The following TMEM179 variants were observed in gnomAD, a reference collection of about 807,000 sequenced individuals.
TMEM179 encodes the protein transmembrane protein 179.
Under a neutral mutation model 22.2 loss-of-function variants are expected in TMEM179, and 17 were observed. The observed-to-expected ratio is 0.77, with a 90% confidence interval of 0.52 to 1.15. The LOEUF is 1.15. Ranked by LOEUF, TMEM179 falls within the 50% of genes most tolerant of loss-of-function variation. TMEM179 has a pLI of 0.00. For missense variants in TMEM179, 265 were observed against 313.6 expected (o/e 0.84, Z 1.17); for synonymous variants, 127 against 140.5 (o/e 0.90, Z 0.68).
intron 1 of TMEM179, among the ~76,000 whole-genome samples, chr14:104,603,271 G>A (rs534280205): frequency 4.6e-5 from 7 of 152,280 alleles, no homozygotes; most frequent in Middle Eastern, 3.4e-3. Flanking sequence ...GGCTCACAGC[G>A]GGGGCAACAG....
In TMEM179 at chr14:104,593,364, C is replaced by T. The variant is rs1255198761; in HGVS notation, c.*115G>A. On this transcript the variant is annotated 3_prime_UTR_variant, in exon 4 of 4. Transcript: ENST00000556573. ...ACACGTGGCGTCGAGGGGACACACG[C>T]AGGGCTGCATGTGGCCAGGGCCCAG... 2 of 1,316,818 alleles carry T rather than the reference C, an allele frequency of 1.5e-6. No homozygotes were observed. The highest frequency in any genetic ancestry group is 2.1e-6 in the Non-Finnish European group (2 of 957,114). 81.6% of individuals were successfully genotyped at this position (1,316,818 alleles called of 1,614,324 possible). A position where few individuals can be genotyped will look rare whatever the true frequency, so the allele number is the denominator to read the frequency against.
chr14:104,602,915 G>C (rs1156674676), intron 1 of TMEM179, among the ~76,000 whole-genome samples: 2 of 152,244 alleles, frequency 1.3e-5, no homozygotes, highest in Non-Finnish European at 2.9e-5. Context: ...TTTGGAAATA[G>C]CATCTTTGCA....
rs890255224 is a variant in TMEM179 at position 104,593,150 on chromosome 14, G to A, written c.*329C>T. 5.0e-6 allele frequency: 2 copies of A among 403,686 alleles called. No homozygotes were observed. Among genetic ancestry groups the A allele is most frequent in the Non-Finnish European group, 8.9e-6 (2 of 223,488 alleles). The allele number at this position is 403,686 out of a possible 1,614,324, so 25.0% of individuals were successfully genotyped here. ...CGGCCAGGGTTGGGGGAGACAAGCTGGACGCCCTCCACATAGGCTGGCCAG... is the reference window on the plus strand; with the variant it reads ...CGGCCAGGGTTGGGGGAGACAAGCTAGACGCCCTCCACATAGGCTGGCCAG... On this transcript the variant is annotated 3_prime_UTR_variant, in exon 4 of 4. Coordinates refer to ENST00000556573, the MANE Select transcript of TMEM179 (RefSeq NM_001286389.2).
At chr14:104,594,102 AC>A in intron 3 of TMEM179, 1 of 1,233,356 alleles carries the variant, frequency 8.1e-7, no homozygotes, top group Non-Finnish European at 1.0e-6. Flanking sequence ...TGAAGGAGAA[AC>A]AATTTAATCA....
In TMEM179 at chr14:104,604,696, A is replaced by T. The variant is rs778223030; in HGVS notation, c.46T>A (p.Leu16Met). ...ACCACGAAGCTGAACAGGAAGGCCA[A>T]GAAGTAGCAGGCGCACTGAGCGAAA... Reference protein sequence around the residue: ...FLFAQCACYFLAFLFSFVVVV... With the variant: ...FLFAQCACYFMAFLFSFVVVV... Residue 16 changes from leucine to methionine, a missense_variant, in exon 1 of 4, where the codon TTG (leucine) becomes ATG (methionine). By Grantham distance (15) the Leu-to-Met change is conservative (BLOSUM62 2). Transcript: ENST00000556573. This position sits in a 1 kb window ranked among gnomAD's most constrained non-coding sequence, Gnocchi z 4.6. 1.9e-6 allele frequency: 3 copies of T among 1,595,386 alleles called. No homozygotes were observed. Among genetic ancestry groups the T allele is most frequent in the Non-Finnish European group, 2.6e-6 (3 of 1,172,528 alleles).
chr14:104,603,371 T>C (rs951096200), intron 1 of TMEM179, among the ~76,000 whole-genome samples: 5 of 151,842 alleles, frequency 3.3e-5, no homozygotes, highest in Non-Finnish European at 7.4e-5. Flanking sequence ...CAACAAAGGA[T>C]GGGGGTGAGG....
chr14:104,603,012 G>C (rs1887290698), intron 1 of TMEM179, among the ~76,000 whole-genome samples: 1 of 152,202 alleles, frequency 6.6e-6, no homozygotes, highest in Middle Eastern at 3.2e-3. Flanking sequence ...GTAAAAAGAG[G>C]GAGGACAGAG....
Position 104,590,993 on chromosome 14 carries a change from G to A in TMEM179, c.*2486C>T, listed in dbSNP as rs1422884696. 3 of 188,538 alleles carry A rather than the reference G, an allele frequency of 1.6e-5. No homozygotes were observed. The highest frequency in any genetic ancestry group is 4.8e-5 in the African/African-American group (2 of 41,660). 11.7% of individuals were successfully genotyped at this position (188,538 alleles called of 1,614,324 possible). On this transcript the variant is annotated 3_prime_UTR_variant, in exon 4 of 4. Coordinates refer to ENST00000556573, the MANE Select transcript of TMEM179 (RefSeq NM_001286389.2). ...GGTGGACCAGCCTCAGGAACCCCGG[G>A]TCATGCCTGCACTTCCCACCTTCCT... is the stretch of plus-strand genomic sequence containing the variant.
chr14:104,594,036 G>A (rs530001143), intron 3 of TMEM179: 769 of 1,228,290 alleles, frequency 6.3e-4, no homozygotes, highest in Non-Finnish European at 7.2e-4. Flanking sequence ...GGTAAACAGC[G>A]GAGGCTCCTC....
In TMEM179 at chr14:104,593,554, G is replaced by C; in HGVS notation, c.627C>G (p.Ile209Met). Residue 209 changes from isoleucine (I) to methionine (M), a missense_variant, in exon 4 of 4, where the codon ATC (isoleucine) becomes ATG (methionine). Coordinates refer to ENST00000556573, the MANE Select transcript of TMEM179 (RefSeq NM_001286389.2). The part of the protein sequence containing the change: ...YRQEDLLDSL[I>M]HEKELLLARP... ...GGGCCAGCAGCAGCTCCTTCTCGTGGATCAGGCTGTCCAGCAGGTCCTCCT... is the reference window on the plus strand; with the variant it reads ...GGGCCAGCAGCAGCTCCTTCTCGTGCATCAGGCTGTCCAGCAGGTCCTCCT... 6.5e-7 allele frequency: 1 copy of C among 1,534,760 alleles called. No homozygotes were observed. The highest frequency in any genetic ancestry group is 8.7e-7 in the Non-Finnish European group (1 of 1,145,922).
In TMEM179 at chr14:104,595,354, G is replaced by C; in HGVS notation, c.444-111C>G. On this transcript the variant is annotated intron_variant, in intron 2 of 3. Transcript: ENST00000556573. This position sits in a 1 kb window ranked among gnomAD's most constrained non-coding sequence, Gnocchi z 5.7. ...GCTTTGCCCTACAATTGTTGGGCGA[G>C]GGGGTGGGCAGCAGGGAGTCTCTGG... The C allele has an allele frequency of 9.4e-7, 1 of 1,067,598 alleles. No homozygotes were observed. Among genetic ancestry groups the C allele is most frequent in the Non-Finnish European group, 1.4e-6 (1 of 734,032 alleles). 66.1% of individuals were successfully genotyped at this position (1,067,598 alleles called of 1,614,324 possible). A position where few individuals can be genotyped will look rare whatever the true frequency, so the allele number is the denominator to read the frequency against.
Position 104,593,334 on chromosome 14 carries a change from TCA to T in TMEM179, c.*143_*144del. The stretch of plus-strand genomic sequence containing the variant: ...ACAGGTGGGCACTGGGGCGCTCACC[TCA>T]CTACACGTGGCGTCGAGGGGACACA... On this transcript the variant is annotated 3_prime_UTR_variant, in exon 4 of 4. Transcript: ENST00000556573. The T allele has an allele frequency of 9.9e-7, 1 of 1,011,092 alleles. No individual in the cohort carries two copies. The highest frequency in any genetic ancestry group is 2.6e-5 in the East Asian group (1 of 38,192). 62.6% of individuals were successfully genotyped at this position (1,011,092 alleles called of 1,614,324 possible). A position where few individuals can be genotyped will look rare whatever the true frequency, so the allele number is the denominator to read the frequency against.
intron 1 of TMEM179, among the ~76,000 whole-genome samples, chr14:104,603,034 C>T (rs948087014): frequency 2.6e-5 from 4 of 152,200 alleles, no homozygotes; most frequent in African/African-American, 7.2e-5. Context: ...AGAGCAAAGG[C>T]GCCCTGTGAG....
intron 1 of TMEM179, among the ~76,000 whole-genome samples, chr14:104,602,552 C>T (rs922121234): frequency 5.9e-5 from 9 of 152,252 alleles, no homozygotes; most frequent in Non-Finnish European, 2.9e-5. Flanking sequence ...TTCAGGGAGG[C>T]TTCCACCTGC....
rs919780762 is a variant in TMEM179 at position 104,595,072 on chromosome 14, C to T, written c.522+93G>A. The stretch of plus-strand genomic sequence containing the variant: ...CCTTATCCACACAGGAGCCTGCCTC[C>T]TCCTCTGGATGGGGGAGAGCTCAGC... On this transcript the variant is annotated intron_variant, in intron 3 of 3. Coordinates refer to ENST00000556573, the MANE Select transcript of TMEM179 (RefSeq NM_001286389.2). The surrounding 1 kb of genome is among the most constrained non-coding windows in gnomAD (Gnocchi z 5.7). The T allele has an allele frequency of 2.5e-6, 4 of 1,591,986 alleles. No individual in the cohort carries two copies. The Admixed American group carries it at 5.2e-5, about 21-fold the overall frequency.
Position 104,598,147 on chromosome 14 carries a change from A to G in TMEM179, c.306-1020T>C, listed in dbSNP as rs143132448. 3.6e-3 allele frequency among the ~76,000 whole-genome samples: 552 copies of G among 152,256 alleles called. 4 individuals are homozygous for G. The highest frequency in any genetic ancestry group is 0.012 in the African/African-American group (518 of 41,566). On this transcript the variant is annotated intron_variant, in intron 1 of 3. Coordinates refer to ENST00000556573, the MANE Select transcript of TMEM179 (RefSeq NM_001286389.2). ...TCCATCATCTCTGAATTGCTCCATC[A>G]AGATTCAAAGTCCCTCGAATGGGCC...
Position 104,604,751 on chromosome 14 carries a change from G to C in TMEM179, c.-10C>G. 6.6e-7 allele frequency: 1 copy of C among 1,521,658 alleles called. No individual in the cohort carries two copies. The highest frequency in any genetic ancestry group is 8.8e-7 in the Non-Finnish European group (1 of 1,139,458). 94.3% of individuals were successfully genotyped at this position (1,521,658 alleles called of 1,614,324 possible). A position where few individuals can be genotyped will look rare whatever the true frequency, so the allele number is the denominator to read the frequency against. ...AATTGTTGAGCGCCATGGCCGGCCCGGGCGAGAGCGGCGGCGGGAAGGCCG... is the reference window on the plus strand; with the variant it reads ...AATTGTTGAGCGCCATGGCCGGCCCCGGCGAGAGCGGCGGCGGGAAGGCCG... On this transcript the variant is annotated 5_prime_UTR_variant, in exon 1 of 4. Coordinates refer to ENST00000556573, the MANE Select transcript of TMEM179 (RefSeq NM_001286389.2). This position sits in a 1 kb window ranked among gnomAD's most constrained non-coding sequence, Gnocchi z 4.6.
rs779834814 is a variant in TMEM179, at chr14:104,591,410, C to CTT, written c.*2068_*2069insAA. 13 of 455,912 alleles carry CTT rather than the reference C, an allele frequency of 2.9e-5. No individual in the cohort carries two copies. The highest frequency in any genetic ancestry group is 5.7e-5 in the Non-Finnish European group (13 of 226,780). The allele number at this position is 455,912 out of a possible 1,614,324, so 28.2% of individuals were successfully genotyped here. Reference sequence around the variant, plus strand: ...CTGCTGGGGACACAGACAAGGAGCTCTCCGGACTGGAAAGAGTCCCCATGT... The same window carrying CTT: ...CTGCTGGGGACACAGACAAGGAGCTCTTTCCGGACTGGAAAGAGTCCCCATGT... On this transcript the variant is annotated 3_prime_UTR_variant, in exon 4 of 4. Transcript: ENST00000556573.
In TMEM179 at chr14:104,591,324, C is replaced by T. The variant is rs1367492923; in HGVS notation, c.*2155G>A. The T allele has an allele frequency of 6.2e-5, 28 of 454,614 alleles. No individual in the cohort carries two copies. The highest frequency in any genetic ancestry group is 4.0e-4 in the South Asian group (26 of 64,330). 28.2% of individuals were successfully genotyped at this position (454,614 alleles called of 1,614,324 possible). A position where few individuals can be genotyped will look rare whatever the true frequency, so the allele number is the denominator to read the frequency against. ...TGCCTCCTGCCCCTCCTTCAGGGCC[C>T]TAGATGGCTGTGGCCTGGATCAGGG... On this transcript the variant is annotated 3_prime_UTR_variant, in exon 4 of 4. Transcript: ENST00000556573.
Sources: allele counts gnomAD v4.1 joint callset (sites outside exome capture counted in the v4.1 genomes callset), GRCh38; gene constraint gnomAD v4.1.1; non-coding constraint Gnocchi (gnomAD v3.1); transcripts MANE v1.5; gene names NCBI Gene and HGNC (gene_info 2026-07-23, HGNC 2026-07-21).